The following LRSAM1 variants were observed in gnomAD, a reference collection of about 807,000 sequenced individuals.
LRSAM1 encodes E3 ubiquitin-protein ligase LRSAM1.
LRSAM1 carries 96 observed loss-of-function variants against 118.1 expected under a neutral mutation model. The observed-to-expected ratio is 0.81, with a 90% CI of 0.69 to 0.96. The LOEUF (loss-of-function observed/expected upper bound fraction) is 0.96. LRSAM1 is among the 40% of genes least tolerant of loss of function. The probability of loss-of-function intolerance (pLI) is 0.00; values close to 1 mark genes in which losing one functional copy is unlikely to be tolerated. For missense variants in LRSAM1, 804 were observed against 915.5 expected (o/e 0.88, Z 1.57); for synonymous variants, 322 against 364.2 (o/e 0.88, Z 1.32).
chr9:127,457,005 C>T (rs928178594), intron 5 of LRSAM1, among the ~76,000 whole-genome samples: 1 of 152,184 alleles, frequency 6.6e-6, no homozygotes, highest in Non-Finnish European at 1.5e-5. Context: ...CTTTATTATT[C>T]TCTATTTTCC....
At chr9:127,481,407 C>T (rs1216985772) in intron 15 of LRSAM1, among the ~76,000 whole-genome samples, 180 bp downstream of exon 15, 1 of 152,040 alleles carries the variant, frequency 6.6e-6, no homozygotes, top group African/African-American at 2.4e-5. Context: ...CGCATACCAC[C>T]ACCAGCTAAT....
At chr9:127,455,445 C>A in intron 4 of LRSAM1, 131 bp from the exon 5 acceptor site, 1 of 914,942 alleles carries the variant, frequency 1.1e-6, no homozygotes, top group Non-Finnish European at 1.8e-6. Flanking sequence ...CTGGGCTCAG[C>A]ACTGCCACCT....
At chr9:127,490,285 C>A (rs1384013925) in intron 19 of LRSAM1, among the ~76,000 whole-genome samples, 1 of 147,740 alleles carries the variant, frequency 6.8e-6, no homozygotes, top group Non-Finnish European at 1.5e-5. Flanking sequence ...TTTTTTTGGA[C>A]CAATTTACCT....
At chr9:127,478,885 G>A (rs1247528010) in intron 11 of LRSAM1, 49 bp from the exon 12 acceptor site, 1 of 1,605,814 alleles carries the variant, frequency 6.2e-7, no homozygotes, top group South Asian at 1.1e-5. Flanking sequence ...ATGCCAGGGA[G>A]AACCACTGCT....
chr9:127,459,103 A>T, intron 7 of LRSAM1, 32 bp downstream of exon 7: 1 of 1,607,324 alleles, frequency 6.2e-7, no homozygotes, highest in Non-Finnish European at 8.5e-7. Flanking sequence ...CCCACCTCGG[A>T]TGGCCTTAGT....
rs1451665928 is a variant in LRSAM1, at chr9:127,485,797, A to C, written c.1221A>C (p.Glu407Asp). The C allele has an allele frequency of 6.2e-7, 1 of 1,614,112 alleles. No homozygotes were observed. The highest frequency in any genetic ancestry group is 8.5e-7 in the Non-Finnish European group (1 of 1,180,016). ...CKNRLIQMAY[E>D]SQRQNLVQQA... Reference sequence around the variant, plus strand: ...ACCGGCTCATCCAGATGGCCTACGAATCTCAGAGGCAGAACTTGGTCCAGC... The same window carrying C: ...ACCGGCTCATCCAGATGGCCTACGACTCTCAGAGGCAGAACTTGGTCCAGC... The change falls in exon 17 of 26, where the codon GAA becomes GAC. Residue 407 changes from glutamate to aspartate, a missense_variant. Physicochemically the swap from Glu to Asp is conservative, Grantham distance 45 (BLOSUM62 2). Coordinates refer to ENST00000300417, the MANE Select transcript of LRSAM1 (RefSeq NM_001005373.4).
intron 5 of LRSAM1, among the ~76,000 whole-genome samples, chr9:127,456,552 C>T (rs1436774562): frequency 6.6e-6 from 1 of 152,002 alleles, no homozygotes; most frequent in Non-Finnish European, 1.5e-5. Context: ...TGTTGGGCCG[C>T]AGTCAATGCC....
intron 5 of LRSAM1, among the ~76,000 whole-genome samples, chr9:127,456,002 C>T (rs111915609): frequency 1.3e-5 from 2 of 152,084 alleles, no homozygotes; most frequent in African/African-American, 4.8e-5. Flanking sequence ...GTAGTAAAGG[C>T]TTATGAACCC....
chr9:127,490,312 T>C (rs1431611759), intron 19 of LRSAM1, among the ~76,000 whole-genome samples: 1 of 152,172 alleles, frequency 6.6e-6, no homozygotes, highest in African/African-American at 2.4e-5. Context: ...TTTCCCTCTT[T>C]AATTTCAATT....
chr9:127,503,003 C>T lies in LRSAM1; in HGVS notation c.*104C>T, dbSNP rs559889288. 18 of 1,477,528 alleles carry T rather than the reference C, an allele frequency of 1.2e-5. No individual in the cohort carries two copies. Among genetic ancestry groups the T allele is most frequent in the Admixed American group, 2.0e-5 (1 of 50,776 alleles). The allele number at this position is 1,477,528 out of a possible 1,614,324, so 91.5% of individuals were successfully genotyped here. Reference sequence around the variant, plus strand: ...CAGCCAGACTCGTATGAGGCTCCCCCCTGCCCTGGGCCCCTTCCCCACTGC... The same window carrying T: ...CAGCCAGACTCGTATGAGGCTCCCCTCTGCCCTGGGCCCCTTCCCCACTGC... On this transcript the variant is annotated 3_prime_UTR_variant, in exon 26 of 26. Transcript: ENST00000300417.
Position 127,489,647 on chromosome 9 carries a change from C to T in LRSAM1, c.1422+129C>T, listed in dbSNP as rs113022868. The stretch of plus-strand genomic sequence containing the variant: ...TTGGCTTGCTAGCCCAACAAGAGGT[C>T]GAGGCCTTGCCCTCAGAACCTCCCT... On this transcript the variant is annotated intron_variant, in intron 19 of 25. Transcript: ENST00000300417. The T allele has an allele frequency of 1.9e-3, 1,968 of 1,035,556 alleles. 30 individuals carry two copies. The African/African-American group carries it at 0.027, about 14-fold the overall frequency. The allele number at this position is 1,035,556 out of a possible 1,614,324, so 64.1% of individuals were successfully genotyped here. A position where few individuals can be genotyped will look rare whatever the true frequency, so the allele number is the denominator to read the frequency against.
At chr9:127,501,840 A>C (rs1202957568) in intron 25 of LRSAM1, among the ~76,000 whole-genome samples, 1 of 152,244 alleles carries the variant, frequency 6.6e-6, no homozygotes, top group Non-Finnish European at 1.5e-5. Flanking sequence ...GAGGGATCCT[A>C]CTTAGAAAAG....
intron 9 of LRSAM1, 52 bp downstream of exon 9, chr9:127,462,425 C>G: frequency 6.2e-7 from 1 of 1,612,224 alleles, no homozygotes. Context: ...GCCCACCTCC[C>G]CTCTCTCCCA....
At position 127,497,381 on chromosome 9, in the gene LRSAM1, G is replaced by A. The variant is rs761099240; in HGVS notation, c.1912+47G>A. ...CTTCCAGGCAGGGCTCCAGCCGTAT[G>A]TGTGGGCTCTGGTGGGGACAGTCAT... On this transcript the variant is annotated intron_variant, in intron 24 of 25. Coordinates refer to ENST00000300417, the MANE Select transcript of LRSAM1 (RefSeq NM_001005373.4). 3.2e-6 allele frequency: 5 copies of A among 1,564,108 alleles called. No homozygotes were observed. The South Asian group carries it at 4.4e-5, about 14-fold the overall frequency.
At chr9:127,474,671 T>C (rs1835292415) in intron 11 of LRSAM1, among the ~76,000 whole-genome samples, 3 of 152,216 alleles carry the variant, frequency 2.0e-5, no homozygotes, top group Admixed American at 2.0e-4. Flanking sequence ...CAGCAAATAC[T>C]TCTGGACCAA....
At position 127,497,215 on chromosome 9, in the gene LRSAM1, G is replaced by A. The variant is rs3802360; in HGVS notation, c.1831-38G>A. 3.1e-4 allele frequency: 495 copies of A among 1,608,444 alleles called. 4 individuals are homozygous for A. The East Asian group carries it at 8.7e-3, about 28-fold the overall frequency. On this transcript the variant is annotated intron_variant, in intron 23 of 25. Coordinates refer to ENST00000300417, the MANE Select transcript of LRSAM1 (RefSeq NM_001005373.4). ...GGCTCACACCATTTAGCGGGCTCCCGCCCAGGCCACAGTCTGCACTTCCTT... is the reference window on the plus strand; with the variant it reads ...GGCTCACACCATTTAGCGGGCTCCCACCCAGGCCACAGTCTGCACTTCCTT...
At chr9:127,462,750 C>A (rs774575806) in intron 9 of LRSAM1, among the ~76,000 whole-genome samples, 1 of 151,180 alleles carries the variant, frequency 6.6e-6, no homozygotes, top group African/African-American at 2.4e-5. Context: ...GGTGATGGGA[C>A]GATCTGTGCA....
In LRSAM1 at chr9:127,487,692, G is replaced by A. The variant is rs760563840; in HGVS notation, c.1276G>A (p.Glu426Lys). The change falls in exon 18 of 26, where the codon GAA becomes AAA. Residue 426 changes from glutamate to lysine, a missense_variant. By Grantham distance (56) the Glu-to-Lys change is moderately conservative. Transcript: ENST00000300417. ...QACSSMAEMDERFQQILSWQQ... is the reference protein window; with the variant it reads ...QACSSMAEMDKRFQQILSWQQ... The stretch of plus-strand genomic sequence containing the variant: ...TTCTGGCAGCATGGCCGAAATGGAT[G>A]AACGATTCCAGCAGATTCTGTCGTG... 1 of 1,613,734 alleles carries A rather than the reference G, an allele frequency of 6.2e-7. No individual in the cohort carries two copies. The highest frequency in any genetic ancestry group is 1.7e-5 in the Admixed American group (1 of 59,990).
intron 10 of LRSAM1, among the ~76,000 whole-genome samples, chr9:127,473,522 A>T (rs543438561): frequency 1.9e-4 from 29 of 152,350 alleles, no homozygotes; most frequent in Admixed American, 1.6e-3. Context: ...TTCACTGCTT[A>T]TCTCAGGCTT....
Sources: allele counts gnomAD v4.1 joint callset (sites outside exome capture counted in the v4.1 genomes callset), GRCh38; gene constraint gnomAD v4.1.1; transcripts MANE v1.5; gene names NCBI Gene and HGNC (gene_info 2026-07-23, HGNC 2026-07-21).